The following PLCG2 variants were observed in gnomAD, a reference collection of about 807,000 sequenced individuals.
PLCG2 encodes 1-phosphatidylinositol 4,5-bisphosphate phosphodiesterase gamma-2.
A neutral mutation model predicts 175.6 loss-of-function variants in PLCG2; 69 were observed. The ratio of observed to expected loss-of-function variants is 0.39; its 90% CI spans 0.32 to 0.48. PLCG2 has a LOEUF of 0.48. PLCG2 is among the 20% of genes least tolerant of loss of function. PLCG2 has a pLI of 0.91. For synonymous variants in PLCG2, 827 were observed against 624.0 expected, an observed-to-expected ratio of 1.33 and a Z score of -4.85; for missense variants, 1,798 against 1,650.9, an observed-to-expected ratio of 1.09 and a Z score of -1.54.
At chr16:81,801,387 C>T (rs1378391563) in intron 2 of PLCG2, among the ~76,000 whole-genome samples, 2 of 152,154 alleles carry the variant, frequency 1.3e-5, no homozygotes, top group South Asian at 2.1e-4. Flanking sequence ...ACATAAAAGA[C>T]ACTGCGTGGT....
At chr16:81,863,060 A>G (rs1362908375) in intron 5 of PLCG2, among the ~76,000 whole-genome samples, 1 of 152,362 alleles carries the variant, frequency 6.6e-6, no homozygotes, top group Admixed American at 6.5e-5. Flanking sequence ...ATAGAACAAC[A>G]TTGATCATTT....
At chr16:81,923,433 C>T in intron 21 of PLCG2, 52 bp from the exon 22 acceptor site, 2 of 1,071,890 alleles carry the variant, frequency 1.9e-6, no homozygotes, top group Non-Finnish European at 2.9e-6. Flanking sequence ...GCAGCCGCCT[C>T]CCTCCCCTCC....
At chr16:81,842,862 C>T (rs1466633454) in intron 2 of PLCG2, 2 of 151,510 alleles carry the variant, frequency 1.3e-5, no homozygotes, top group Admixed American at 6.6e-5. Context: ...AAGGCTGTGC[C>T]AGAAGGTGAT....
intron 14 of PLCG2, among the ~76,000 whole-genome samples, chr16:81,902,618 T>C (rs1338999453): frequency 1.3e-5 from 2 of 152,090 alleles, no homozygotes; most frequent in Non-Finnish European, 2.9e-5. Flanking sequence ...TCATTCCCAC[T>C]TATGAGAGCT....
chr16:81,932,279 A>T (rs1910534269), intron 25 of PLCG2, among the ~76,000 whole-genome samples: 1 of 152,180 alleles, frequency 6.6e-6, no homozygotes, highest in African/African-American at 2.4e-5. Flanking sequence ...CTGGGCAAGT[A>T]ACCACACTTC....
At chr16:81,901,221 T>TC (rs145270091) in intron 14 of PLCG2, among the ~76,000 whole-genome samples, 11,789 of 152,144 alleles carry the variant, frequency 0.077, 606 homozygotes, top group Middle Eastern at 0.13. Flanking sequence ...CAGCTTCCAG[T>TC]TGTGTGGGAG....
chr16:81,868,073 G>A (rs1202060482), intron 5 of PLCG2, among the ~76,000 whole-genome samples: 1 of 152,200 alleles, frequency 6.6e-6, no homozygotes, highest in African/African-American at 2.4e-5. Context: ...CTGTGACCGA[G>A]CACTGGAATT....
At chr16:81,872,031 A>G (rs1907540878) in intron 7 of PLCG2, among the ~76,000 whole-genome samples, 1 of 152,204 alleles carries the variant, frequency 6.6e-6, no homozygotes, top group African/African-American at 2.4e-5. Flanking sequence ...TATTTTGTTA[A>G]AAATCATAGA....
chr16:81,808,576 C>G (rs979434182), intron 2 of PLCG2, among the ~76,000 whole-genome samples: 3 of 152,128 alleles, frequency 2.0e-5, no homozygotes, highest in African/African-American at 7.2e-5. Context: ...TCGCTACAAC[C>G]TCCGCCTCCC....
intron 2 of PLCG2, among the ~76,000 whole-genome samples, chr16:81,838,649 C>T (rs112920457): frequency 0.025 from 3,850 of 151,942 alleles, 59 homozygotes; most frequent in Middle Eastern, 0.034. Flanking sequence ...AGGACAAATA[C>T]CTAATGCCTG....
intron 31 of PLCG2, among the ~76,000 whole-genome samples, chr16:81,954,538 C>T (rs976749085): frequency 6.6e-6 from 1 of 152,172 alleles, no homozygotes; most frequent in Non-Finnish European, 1.5e-5. Flanking sequence ...GTTGCCCTCC[C>T]TGTGTCCTCA....
chr16:81,834,591 A>AGCT (rs112113666), intron 2 of PLCG2, among the ~76,000 whole-genome samples: 37 of 151,240 alleles, frequency 2.4e-4, no homozygotes, highest in Non-Finnish European at 3.5e-4. Context: ...GGATCTGCAG[A>AGCT]GCTGCTGCTG....
intron 31 of PLCG2, among the ~76,000 whole-genome samples, chr16:81,950,278 G>A (rs1291435649): frequency 2.6e-5 from 4 of 152,094 alleles, no homozygotes; most frequent in Non-Finnish European, 4.4e-5. Context: ...AAATTGGGAA[G>A]GAAAAGTTAA....
chr16:81,937,265 G>C (rs1446668495), intron 27 of PLCG2: 1 of 152,368 alleles, frequency 6.6e-6, no homozygotes, highest in Non-Finnish European at 1.5e-5. Context: ...ACAACTGAGA[G>C]GTGAAAACTG....
intron 2 of PLCG2, among the ~76,000 whole-genome samples, chr16:81,792,673 G>C (rs1203931633): frequency 6.6e-6 from 1 of 152,054 alleles, no homozygotes; most frequent in African/African-American, 2.4e-5. Flanking sequence ...GCAAGGAGAA[G>C]GAGAGCTGAG....
chr16:81,862,596 A>G (rs1663274115), intron 5 of PLCG2, among the ~76,000 whole-genome samples: 1 of 152,212 alleles, frequency 6.6e-6, no homozygotes, highest in Non-Finnish European at 1.5e-5. Context: ...CTGGCCGAGC[A>G]TGGTGGCTGA....
Position 81,931,636 on chromosome 16 carries a change from C to G in PLCG2, c.2721C>G (p.Thr907=). 1.2e-6 allele frequency: 2 copies of G among 1,613,782 alleles called. 1 individual carries two copies. ...FEWFQSIREI[T]WKIDTKENNM... is the part of the protein sequence containing the mutation. Reference sequence around the variant, plus strand: ...GGTTTCAGAGCATCCGAGAGATCACCTGGAAGATTGACACCAAGGTAGGCA... The same window carrying G: ...GGTTTCAGAGCATCCGAGAGATCACGTGGAAGATTGACACCAAGGTAGGCA... The change falls in exon 25 of 33, where the codon ACC becomes ACG. Residue 907 remains threonine, a synonymous_variant. Transcript: ENST00000564138.
intron 2 of PLCG2, among the ~76,000 whole-genome samples, chr16:81,794,647 A>G (rs1911385646): frequency 6.6e-6 from 1 of 152,214 alleles, no homozygotes; most frequent in African/African-American, 2.4e-5. Flanking sequence ...CACACCCCAT[A>G]AGACTCTTGT....
chr16:81,786,103 C>A lies in PLCG2; in HGVS notation c.114C>A (p.Pro38=), dbSNP rs750924322. The part of the protein sequence containing the change: ...MTVFSFRKST[P]ERRTVQVIME... ...TGTTCAGCTTCCGCAAGTCCACCCC[C>A]GAGCGGAGAACCGTCCAGGTGATCA... Residue 38 remains proline (P), a synonymous_variant, in exon 2 of 33, where the codon CCC becomes CCA. Transcript: ENST00000564138. 6.2e-7 allele frequency: 1 copy of A among 1,614,064 alleles called. No individual in the cohort carries two copies. Among genetic ancestry groups the A allele is most frequent in the Non-Finnish European group, 8.5e-7 (1 of 1,180,054 alleles).
Sources: allele counts gnomAD v4.1 joint callset (sites outside exome capture counted in the v4.1 genomes callset), GRCh38; gene constraint gnomAD v4.1.1; transcripts MANE v1.5; gene names NCBI Gene and HGNC (gene_info 2026-07-23, HGNC 2026-07-21).